PRKAG3: variants seen among roughly 807,000 people sequenced by gnomAD.
PRKAG3 encodes the protein 5'-AMP-activated protein kinase subunit gamma-3.
A neutral mutation model predicts 56.5 loss-of-function variants in PRKAG3; 39 were observed. The ratio of observed to expected loss-of-function variants is 0.69; its 90% CI spans 0.53 to 0.90. The LOEUF (loss-of-function observed/expected upper bound fraction) is 0.90, where lower values mean the gene tolerates loss of function less well. Among genes scored for constraint, PRKAG3 ranks in the 40% least tolerant of loss-of-function variants. The probability of loss-of-function intolerance (pLI) is 0.00; values close to 1 mark genes in which losing one functional copy is unlikely to be tolerated. For synonymous variants in PRKAG3, 243 were observed against 250.1 expected (o/e 0.97, Z 0.27); for missense variants, 628 against 627.5 (o/e 1.00, Z -0.01).
intron 10 of PRKAG3, 90 bp downstream of exon 10, chr2:218,826,838 G>T: frequency 1.3e-6 from 2 of 1,526,756 alleles, no homozygotes; most frequent in Non-Finnish European, 1.8e-6. Flanking sequence ...CACAGGGATG[G>T]CATGAGAAAC....
intron 4 of PRKAG3, among the ~76,000 whole-genome samples, chr2:218,828,981 T>C (rs1015682316): frequency 2.0e-5 from 3 of 152,258 alleles, no homozygotes; most frequent in African/African-American, 7.2e-5. Context: ...AACACTTGCA[T>C]ATTTACATAC....
chr2:218,823,579 C>A, exon 13 of PRKAG3: 1 of 1,342,452 alleles, frequency 7.4e-7, no homozygotes, highest in South Asian at 1.3e-5. Context: ...CTCAGGGTGT[C>A]CCAATCTGAG....
exon 13 of PRKAG3, chr2:218,823,784 C>T: frequency 1.9e-6 from 3 of 1,614,084 alleles, no homozygotes; most frequent in Non-Finnish European, 1.7e-6. Flanking sequence ...GGCATCGATG[C>T]CAGCAGGGCT....
Position 218,830,903 on chromosome 2 carries a change from T to C in PRKAG3, c.74-2A>G. The C allele has an allele frequency of 6.2e-7, 1 of 1,613,608 alleles. No homozygotes were observed. Among genetic ancestry groups the C allele is most frequent in the Non-Finnish European group, 8.5e-7 (1 of 1,179,948 alleles). On this transcript the variant is annotated splice_acceptor_variant, in intron 2 of 12. Transcript: ENST00000529249. LOFTEE classifies it high-confidence loss of function. ...TTTCTTGCTCTAGGAAGCTCATCTC[T>C]GGAAGGGGAATGGGGCCTGTTTGGT...
Position 218,831,323 on chromosome 2 carries a change from G to A in PRKAG3, c.73+13C>T, listed in dbSNP as rs1944016413. 1 of 1,581,316 alleles carries A rather than the reference G, an allele frequency of 6.3e-7. No individual in the cohort carries two copies. The highest frequency in any genetic ancestry group is 8.6e-7 in the Non-Finnish European group (1 of 1,161,344). ...GAAGAGGTTAGGCCCCAGGGAGGGG[G>A]CATTCTCCCTACCTTGATGCTCAGA... On this transcript the variant is annotated intron_variant, in intron 2 of 12. Transcript: ENST00000529249.
intron 10 of PRKAG3, chr2:218,826,519 T>TCA: frequency 3.5e-6 from 1 of 281,754 alleles, no homozygotes; most frequent in Non-Finnish European, 7.0e-6. Flanking sequence ...TGTCACTGTA[T>TCA]GTAAACTCAA....
At chr2:218,829,541 C>A (rs1434456607) in intron 4 of PRKAG3, among the ~76,000 whole-genome samples, 1 of 151,582 alleles carries the variant, frequency 6.6e-6, no homozygotes, top group South Asian at 2.1e-4. Context: ...TTGGTCAGGC[C>A]GGTCTCGAAC....
intron 3 of PRKAG3, 152 bp from the exon 4 acceptor site, chr2:218,830,533 T>C: frequency 8.3e-7 from 1 of 1,197,968 alleles, no homozygotes; most frequent in South Asian, 1.5e-5. Context: ...TCGCCCCAGG[T>C]AGTGGCTCTG....
At chr2:218,830,927 G>T in intron 2 of PRKAG3, 26 bp from the exon 3 acceptor site, 1 of 1,610,628 alleles carries the variant, frequency 6.2e-7, no homozygotes, top group Non-Finnish European at 8.5e-7. Context: ...GGCCTGTTTG[G>T]TTAATAGGGA....
intron 4 of PRKAG3, among the ~76,000 whole-genome samples, chr2:218,829,656 G>A (rs543873248): frequency 2.0e-5 from 3 of 152,126 alleles, no homozygotes; most frequent in South Asian, 4.1e-4. Context: ...CTTTGTTCAC[G>A]CTTTATACTG....
Position 218,831,385 on chromosome 2 carries a change from G to A in PRKAG3, c.34-10C>T, listed in dbSNP as rs1944017470. On this transcript the variant is annotated splice_polypyrimidine_tract_variant and intron_variant, in intron 1 of 12. Coordinates refer to ENST00000529249, the Ensembl canonical transcript of PRKAG3. ...TGCTCCAGGAAGGGGTCTGTGGGGA[G>A]AAGAGTTTCTGAAGGAGTGGGGAAA... The A allele has an allele frequency of 1.9e-6, 3 of 1,597,846 alleles. No individual in the cohort carries two copies. The highest frequency in any genetic ancestry group is 2.3e-5 in the South Asian group (2 of 87,804).
chr2:218,823,373 T>C (rs1316962538), exon 13 of PRKAG3: 2 of 279,348 alleles, frequency 7.2e-6, no homozygotes, highest in Non-Finnish European at 1.4e-5. Flanking sequence ...GGAAATTGAA[T>C]TGTGAGGGAA....
rs769012514 is a variant in PRKAG3, at chr2:218,828,504, C to G, written c.715+15G>C. The G allele has an allele frequency of 1.2e-6, 2 of 1,609,924 alleles. No individual in the cohort carries two copies. Among genetic ancestry groups the G allele is most frequent in the East Asian group, 4.5e-5 (2 of 44,702 alleles). ...ACCTCCTCCATCTCCCTTCACCTCCCCAGCCTCTCCTCACCCACAAAGCTC... is the reference window on the plus strand; with the variant it reads ...ACCTCCTCCATCTCCCTTCACCTCCGCAGCCTCTCCTCACCCACAAAGCTC... On this transcript the variant is annotated intron_variant, in intron 5 of 12. Transcript: ENST00000529249.
chr2:218,831,717 G>T, intron 1 of PRKAG3, 21 bp downstream of exon 1: 1 of 1,608,246 alleles, frequency 6.2e-7, no homozygotes, highest in East Asian at 2.2e-5. Context: ...CCCGGCTCCG[G>T]CTCCCCTGGG....
In PRKAG3 at chr2:218,827,690, A is replaced by G. The variant is rs1358064524; in HGVS notation, c.821-61T>C. ...GTCACCTGCCTCACCTTGCAGTCCC[A>G]GGCAGCTTCCCTTCCGTCAGGCACC... On this transcript the variant is annotated intron_variant, in intron 7 of 12. Coordinates refer to ENST00000529249, the Ensembl canonical transcript of PRKAG3. This position sits in a 1 kb window ranked among gnomAD's most constrained non-coding sequence, Gnocchi z 5.3. 2 of 1,591,494 alleles carry G rather than the reference A, an allele frequency of 1.3e-6. No individual in the cohort carries two copies. Among genetic ancestry groups the G allele is most frequent in the Non-Finnish European group, 1.7e-6 (2 of 1,159,888 alleles).
chr2:218,825,822 T>A (rs1943924290), intron 10 of PRKAG3, among the ~76,000 whole-genome samples: 1 of 149,504 alleles, frequency 6.7e-6, no homozygotes, highest in Non-Finnish European at 1.5e-5. Flanking sequence ...AGTGGCGCGA[T>A]CTTGGCTCAC....
At chr2:218,824,458 C>A (rs541436118) in intron 11 of PRKAG3, 81 bp downstream of exon 11, 4 of 1,609,268 alleles carry the variant, frequency 2.5e-6, no homozygotes, top group Non-Finnish European at 3.4e-6. Flanking sequence ...TTGTCAAGGT[C>A]CCCCTGGTCC....
In PRKAG3 at chr2:218,827,011, A is replaced by T; in HGVS notation, c.1085T>A (p.Val362Glu). 6.2e-7 allele frequency: 1 copy of T among 1,614,120 alleles called. No homozygotes were observed. Among genetic ancestry groups the T allele is most frequent in the Non-Finnish European group, 8.5e-7 (1 of 1,180,036 alleles). ...AGTCAGGATGGGTGCTGTCTCCAGC[A>T]CCACAGCCAAGTCTCGGAATGTGCC... The change falls in exon 10 of 13, where the codon GTG becomes GAG. Residue 362 changes from valine to glutamate, a missense_variant. By Grantham distance (121) the Val-to-Glu change is moderately radical. Coordinates refer to ENST00000529249, the Ensembl canonical transcript of PRKAG3. This position sits in a 1 kb window ranked among gnomAD's most constrained non-coding sequence, Gnocchi z 5.3.
intron 2 of PRKAG3, 63 bp downstream of exon 2, chr2:218,831,273 A>G: frequency 7.5e-7 from 1 of 1,326,614 alleles, no homozygotes; most frequent in Non-Finnish European, 1.0e-6. Context: ...GGGGTCCCAG[A>G]AAAGTGGGGG....
Sources: allele counts gnomAD v4.1 joint callset (sites outside exome capture counted in the v4.1 genomes callset), GRCh38; gene constraint gnomAD v4.1.1; non-coding constraint Gnocchi (gnomAD v3.1); transcripts MANE v1.5; gene names NCBI Gene and HGNC (gene_info 2026-07-23, HGNC 2026-07-21).